MXD1: variants seen among roughly 807,000 people sequenced by gnomAD.
The protein encoded by MXD1 is MAX dimerization protein 1.
MXD1 carries 9 observed loss-of-function variants against 25.7 expected under a neutral mutation model. The ratio of observed to expected loss-of-function variants is 0.35; its 90% confidence interval spans 0.21 to 0.61. The LOEUF is 0.61. Among genes scored for constraint, MXD1 ranks in the 20% least tolerant of loss-of-function variants. The probability of loss-of-function intolerance (pLI) is 0.75; values close to 1 mark genes in which losing one functional copy is unlikely to be tolerated. For missense variants in MXD1, 227 were observed against 292.4 expected, an observed-to-expected ratio of 0.78 and a Z score of 1.63; for synonymous variants, 99 against 113.9, an observed-to-expected ratio of 0.87 and a Z score of 0.83.
chr2:69,919,287 C>T (rs893058005), intron 2 of MXD1, among the ~76,000 whole-genome samples: 1 of 152,188 alleles, frequency 6.6e-6, no homozygotes, highest in Non-Finnish European at 1.5e-5. Context: ...TGGTCCTTGT[C>T]TACAGTTAAA....
chr2:69,916,639 A>G (rs1020021720), intron 2 of MXD1, among the ~76,000 whole-genome samples: 1 of 152,228 alleles, frequency 6.6e-6, no homozygotes, highest in African/African-American at 2.4e-5. Context: ...AACACATTAA[A>G]GTACCTGACT....
At chr2:69,933,589 C>T (rs552767149) in intron 3 of MXD1, among the ~76,000 whole-genome samples, 89 of 152,272 alleles carry the variant, frequency 5.8e-4, no homozygotes, top group African/African-American at 2.0e-3. Flanking sequence ...CCTTAGAGCA[C>T]CCTTGGAGAG....
chr2:69,941,727 C>G lies in MXD1; in HGVS notation c.*3443C>G, dbSNP rs763866024. 2 of 151,674 alleles carry G rather than the reference C, an allele frequency of 1.3e-5. No individual in the cohort carries two copies. Among genetic ancestry groups the G allele is most frequent in the African/African-American group, 2.4e-5 (1 of 40,950 alleles). 9.4% of individuals were successfully genotyped at this position (151,674 alleles called of 1,614,324 possible). ...CTGGGGGATAAGAAAAAAGTGTAAA[C>G]TAGGTAGGATTGTGATGCTCAAAAT... On this transcript the variant is annotated 3_prime_UTR_variant, in exon 6 of 6. Transcript: ENST00000264444.
chr2:69,936,435 G>T (rs1677442020), intron 4 of MXD1, among the ~76,000 whole-genome samples: 1 of 152,190 alleles, frequency 6.6e-6, no homozygotes, highest in South Asian at 2.1e-4. Context: ...ATAGCAAAGG[G>T]TAAGGGGAAT....
intron 3 of MXD1, among the ~76,000 whole-genome samples, chr2:69,932,829 G>A (rs1280300841): frequency 6.6e-6 from 1 of 152,114 alleles, no homozygotes; most frequent in East Asian, 1.9e-4. Flanking sequence ...GTACTAAAAT[G>A]ACACTGTTCT....
chr2:69,915,431 C>G lies in MXD1; in HGVS notation c.73+28C>G. On this transcript the variant is annotated intron_variant, in intron 1 of 5. Coordinates refer to ENST00000264444, the MANE Select transcript of MXD1 (RefSeq NM_002357.4). The surrounding 1 kb of genome is among the most constrained non-coding windows in gnomAD (Gnocchi z 5.8). ...GCACGGGGACGGGGAGGGGTCCACT[C>G]GAAACGAGGCCGGGGGTCCTGTGGG... 1 of 1,262,988 alleles carries G rather than the reference C, an allele frequency of 7.9e-7. No homozygotes were observed. Among genetic ancestry groups the G allele is most frequent in the Non-Finnish European group, 1.0e-6 (1 of 994,252 alleles). The allele number at this position is 1,262,988 out of a possible 1,614,324, so 78.2% of individuals were successfully genotyped here.
At chr2:69,919,377 C>T (rs952571233) in intron 2 of MXD1, among the ~76,000 whole-genome samples, 1 of 152,150 alleles carries the variant, frequency 6.6e-6, no homozygotes, top group Non-Finnish European at 1.5e-5. Flanking sequence ...GACAGTCTCG[C>T]TCTGTTGCCT....
chr2:69,921,134 G>C (rs947660904), intron 2 of MXD1, among the ~76,000 whole-genome samples: 1 of 152,146 alleles, frequency 6.6e-6, no homozygotes, highest in Non-Finnish European at 1.5e-5. Flanking sequence ...ACTAACTTCT[G>C]CTTTAAGCAA....
intron 3 of MXD1, among the ~76,000 whole-genome samples, chr2:69,934,837 C>T (rs1677382898): frequency 6.6e-6 from 1 of 152,202 alleles, no homozygotes; most frequent in Non-Finnish European, 1.5e-5. Context: ...AACCAGTTCC[C>T]TCCTGGGTGG....
intron 2 of MXD1, among the ~76,000 whole-genome samples, chr2:69,916,932 A>G (rs187222122): frequency 6.6e-6 from 1 of 152,320 alleles, no homozygotes; most frequent in Admixed American, 6.5e-5. Flanking sequence ...TCCTATGCAT[A>G]GTTTCTGGTA....
chr2:69,930,713 C>T (rs970595130), intron 3 of MXD1, among the ~76,000 whole-genome samples: 9 of 152,112 alleles, frequency 5.9e-5, no homozygotes, highest in Non-Finnish European at 1.3e-4. Flanking sequence ...TTTTTGAGTT[C>T]CCTATTGATT....
At chr2:69,921,932 G>A (rs1229073548) in intron 3 of MXD1, among the ~76,000 whole-genome samples, 167 bp downstream of exon 3, 1 of 152,150 alleles carries the variant, frequency 6.6e-6, no homozygotes, top group Non-Finnish European at 1.5e-5. Context: ...TTAGGTAGAT[G>A]TAGAGCTTGC....
intron 3 of MXD1, among the ~76,000 whole-genome samples, chr2:69,922,857 G>T (rs1249537727): frequency 2.8e-5 from 4 of 144,140 alleles, no homozygotes; most frequent in Non-Finnish European, 5.9e-5. Context: ...TCCGGCTTGG[G>T]CAACAGAGTG....
Position 69,939,356 on chromosome 2 carries a change from G to C in MXD1, c.*1072G>C, listed in dbSNP as rs574246527. The C allele has an allele frequency of 7.9e-5, 12 of 152,712 alleles. No homozygotes were observed. In the East Asian group the frequency reaches 2.3e-3, roughly 29 times the overall value. 9.5% of individuals were successfully genotyped at this position (152,712 alleles called of 1,614,324 possible). A position where few individuals can be genotyped will look rare whatever the true frequency, so the allele number is the denominator to read the frequency against. Reference sequence around the variant, plus strand: ...TATTGATTATTTTTGGACACACCCAGAAACTTCTTTATGGAGGCTTTTGGG... The same window carrying C: ...TATTGATTATTTTTGGACACACCCACAAACTTCTTTATGGAGGCTTTTGGG... On this transcript the variant is annotated 3_prime_UTR_variant, in exon 6 of 6. Transcript: ENST00000264444.
At chr2:69,931,657 T>A (rs368867546) in intron 3 of MXD1, among the ~76,000 whole-genome samples, 2 of 152,262 alleles carry the variant, frequency 1.3e-5, no homozygotes, top group Non-Finnish European at 2.9e-5. Context: ...AAATTTGGGA[T>A]ACTTAAAACT....
At chr2:69,930,021 C>T (rs1677248023) in intron 3 of MXD1, among the ~76,000 whole-genome samples, 1 of 152,130 alleles carries the variant, frequency 6.6e-6, no homozygotes, top group Non-Finnish European at 1.5e-5. Flanking sequence ...GAAGTGTAGT[C>T]CCAGTGTTAA....
intron 3 of MXD1, among the ~76,000 whole-genome samples, chr2:69,934,064 A>G (rs1287656995): frequency 6.6e-6 from 1 of 152,224 alleles, no homozygotes; most frequent in African/African-American, 2.4e-5. Context: ...TTCAGCAAAC[A>G]CTTATTAAGC....
intron 2 of MXD1, among the ~76,000 whole-genome samples, chr2:69,920,238 G>A (rs1038429881): frequency 4.6e-5 from 7 of 151,686 alleles, no homozygotes; most frequent in South Asian, 2.1e-4. Flanking sequence ...CGCCTGCCTC[G>A]GCCTCCCAAA....
intron 5 of MXD1, 69 bp from the exon 6 acceptor site, chr2:69,938,028 T>A (rs533354688): frequency 7.2e-5 from 106 of 1,479,774 alleles, no homozygotes; most frequent in Non-Finnish European, 9.0e-5. Flanking sequence ...ATTACAAGCA[T>A]GAGCCACCAC....
Sources: allele counts gnomAD v4.1 joint callset (sites outside exome capture counted in the v4.1 genomes callset), GRCh38; gene constraint gnomAD v4.1.1; non-coding constraint Gnocchi (gnomAD v3.1); transcripts MANE v1.5; gene names NCBI Gene and HGNC (gene_info 2026-07-23, HGNC 2026-07-21).